The following CALN1 variants were observed in gnomAD, a reference collection of about 807,000 sequenced individuals.
The protein encoded by CALN1 is calneuron 1, also known as calcium-binding protein 8.
A neutral mutation model predicts 30.6 loss-of-function variants in CALN1; 17 were observed. That is an observed-to-expected ratio of 0.56 (90% CI 0.38 to 0.83). The LOEUF (loss-of-function observed/expected upper bound fraction) is 0.83. Ranked by LOEUF, CALN1 falls within the 40% of genes least tolerant of loss-of-function variation. CALN1 has a pLI of 0.00. For synonymous variants in CALN1, 156 were observed against 131.4 expected (o/e 1.19, Z -1.28); for missense variants, 291 against 354.9 (o/e 0.82, Z 1.45).
At chr7:71,822,314 T>C (rs951816117) in intron 5 of CALN1, among the ~76,000 whole-genome samples, 11 of 152,192 alleles carry the variant, frequency 7.2e-5, no homozygotes, top group African/African-American at 2.7e-4. Context: ...AATGGTGTGA[T>C]CTTGGCTCAC....
At chr7:72,098,981 G>T (rs924723145) in intron 4 of CALN1, among the ~76,000 whole-genome samples, 1 of 152,098 alleles carries the variant, frequency 6.6e-6, no homozygotes, top group Non-Finnish European at 1.5e-5. Flanking sequence ...AGGCACCCCC[G>T]CTCCCAGTGA....
intron 4 of CALN1, among the ~76,000 whole-genome samples, chr7:72,066,559 A>C (rs1804034773): frequency 6.6e-6 from 1 of 151,716 alleles, no homozygotes; most frequent in Non-Finnish European, 1.5e-5. Context: ...TTACTGCTTT[A>C]CAACCAAATG....
intron 3 of CALN1, among the ~76,000 whole-genome samples, chr7:72,237,590 C>T (rs1356138425): frequency 1.3e-5 from 2 of 152,194 alleles, no homozygotes; most frequent in African/African-American, 4.8e-5. Flanking sequence ...AGAGTCTTCA[C>T]TGCCTGTTAG....
chr7:71,993,956 G>A (rs186161370), intron 5 of CALN1, among the ~76,000 whole-genome samples: 41 of 152,122 alleles, frequency 2.7e-4, no homozygotes, highest in Admixed American at 9.8e-4. Context: ...TGAATTATAC[G>A]ACTGAAATTT....
rs1434656281 is a variant in CALN1 at position 71,787,711 on chromosome 7, A to T, written c.*64T>A. ...GTCCGTGTCTGCTGTGTGGAGGAAG[A>T]GTCTGCCCGCACGGCATGCACATGC... is the stretch of plus-strand genomic sequence containing the variant. On this transcript the variant is annotated 3_prime_UTR_variant, in exon 7 of 7. Transcript: ENST00000395275. The T allele has an allele frequency of 1.9e-6, 3 of 1,594,172 alleles. No homozygotes were observed.
At chr7:72,328,052 G>C (rs1015999659) in intron 2 of CALN1, among the ~76,000 whole-genome samples, 2 of 152,126 alleles carry the variant, frequency 1.3e-5, no homozygotes, top group African/African-American at 4.8e-5. Flanking sequence ...TTGAGAATGA[G>C]AGTGAAGAAA....
chr7:72,184,613 T>G (rs984849382), intron 3 of CALN1, among the ~76,000 whole-genome samples: 11 of 152,078 alleles, frequency 7.2e-5, no homozygotes, highest in Non-Finnish European at 1.5e-4. Flanking sequence ...CATATAGCAT[T>G]TATTGTAAAA....
the CALN1 span, among the ~76,000 whole-genome samples, chr7:72,484,194 G>A: frequency 6.6e-6 from 1 of 152,062 alleles, no homozygotes; most frequent in African/African-American, 2.4e-5. Flanking sequence ...GGTAATTTTA[G>A]ATTGGATATG....
At chr7:72,112,985 T>C (rs1413435332) in intron 3 of CALN1, among the ~76,000 whole-genome samples, 2 of 152,016 alleles carry the variant, frequency 1.3e-5, no homozygotes, top group African/African-American at 4.8e-5. Context: ...GGTGGGAAAA[T>C]GTGGCAAGAC....
intron 6 of CALN1, among the ~76,000 whole-genome samples, chr7:71,796,913 A>G (rs926482638): frequency 6.6e-6 from 1 of 152,198 alleles, no homozygotes; most frequent in Non-Finnish European, 1.5e-5. Context: ...TGGCTGCCTC[A>G]GTGAGACCTG....
intron 5 of CALN1, among the ~76,000 whole-genome samples, chr7:71,836,241 A>C (rs759518791): frequency 5.9e-5 from 9 of 152,096 alleles, no homozygotes; most frequent in Non-Finnish European, 1.3e-4. Context: ...ATGTCACTGA[A>C]TTTGGGGGTG....
intron 5 of CALN1, among the ~76,000 whole-genome samples, chr7:71,933,219 G>A (rs552884820): frequency 5.3e-5 from 8 of 152,216 alleles, no homozygotes; most frequent in Admixed American, 1.3e-4. Context: ...ACAAGATGGC[G>A]CCAGTTAAGT....
chr7:72,263,406 A>AT (rs1375837028), intron 3 of CALN1, among the ~76,000 whole-genome samples: 2 of 151,576 alleles, frequency 1.3e-5, no homozygotes, highest in African/African-American at 4.8e-5. Flanking sequence ...TTTTTATTTT[A>AT]TTTTTTTTAA....
At chr7:71,789,893 T>A (rs1292655085) in intron 6 of CALN1, among the ~76,000 whole-genome samples, 2 of 151,812 alleles carry the variant, frequency 1.3e-5, no homozygotes, top group African/African-American at 4.8e-5. Flanking sequence ...GCCAGGAGTT[T>A]GAGACCAGCC....
intron 5 of CALN1, among the ~76,000 whole-genome samples, chr7:72,018,374 T>C (rs1488805117): frequency 6.6e-6 from 1 of 151,950 alleles, no homozygotes; most frequent in East Asian, 1.9e-4. Flanking sequence ...TTCCCTCCTC[T>C]CCTCTCTGCC....
At chr7:72,103,811 T>C (rs1386447822) in intron 4 of CALN1, among the ~76,000 whole-genome samples, 1 of 151,478 alleles carries the variant, frequency 6.6e-6, no homozygotes, top group Non-Finnish European at 1.5e-5. Flanking sequence ...ATCTGGACAA[T>C]GGGAACGTCC....
intron 3 of CALN1, among the ~76,000 whole-genome samples, chr7:72,118,109 G>A (rs1188210371): frequency 6.6e-6 from 1 of 152,130 alleles, no homozygotes; most frequent in East Asian, 1.9e-4. Flanking sequence ...GTCCCTGCAT[G>A]TCACATTCCT....
intron 5 of CALN1, among the ~76,000 whole-genome samples, chr7:71,960,161 ATAAATAAATAAATAAATAAAT>A: frequency 6.7e-6 from 1 of 148,376 alleles, no homozygotes; most frequent in South Asian, 2.1e-4. Context: ...AAATAAATAA[ATAAATAAATAAATAAATAAAT>A]AAAATAAAAT....
chr7:72,249,962 AGAG>A (rs1562794822), intron 3 of CALN1, among the ~76,000 whole-genome samples: 66 of 124,706 alleles, frequency 5.3e-4, no homozygotes, highest in Middle Eastern at 4.8e-3. Flanking sequence ...AAAAAAAAAG[AGAG>A]AGAGAGAGAG....
Sources: allele counts gnomAD v4.1 joint callset (sites outside exome capture counted in the v4.1 genomes callset), GRCh38; gene constraint gnomAD v4.1.1; transcripts MANE v1.5; gene names NCBI Gene and HGNC (gene_info 2026-07-23, HGNC 2026-07-21).